MTCL1: variants seen among roughly 807,000 people sequenced by gnomAD.
The protein encoded by MTCL1 is microtubule cross-linking factor 1.
In MTCL1, 79 loss-of-function variants were observed where a neutral mutation model predicts 141.4. The ratio of observed to expected loss-of-function variants is 0.56; its 90% CI spans 0.47 to 0.67. The LOEUF (loss-of-function observed/expected upper bound fraction) is 0.67, where lower values mean the gene tolerates loss of function less well. Among genes scored for constraint, MTCL1 ranks in the 30% least tolerant of loss-of-function variants. The pLI, the probability that MTCL1 is intolerant of heterozygous loss-of-function variation, is 0.00. For synonymous variants in MTCL1, 914 were observed against 875.8 expected (o/e 1.04, Z -0.77); for missense variants, 2,177 against 2,113.9 (o/e 1.03, Z -0.59).
chr18:8,766,152 A>G lies in MTCL1; in HGVS notation c.358-11681A>G, dbSNP rs755594755. On this transcript the variant is annotated intron_variant, in intron 4 of 16. Coordinates refer to ENST00000359865, the Ensembl canonical transcript of MTCL1. ...ATTTAGAAGACAAAACATGAGATTG[A>G]TGTGTTTTAAAAGCACGCAGCGGAT... Among the ~76,000 whole-genome samples, 6 of 152,350 alleles carry G rather than the reference A, an allele frequency of 3.9e-5. No individual in the cohort carries two copies. The South Asian group carries it at 1.0e-3, about 26-fold the overall frequency.
exon 13 of MTCL1, chr18:8,819,202 G>C: frequency 6.2e-7 from 1 of 1,614,200 alleles, no homozygotes; most frequent in Non-Finnish European, 8.5e-7. Context: ...TGGATGACGA[G>C]CCAGAAGAGC....
chr18:8,772,652 CAT>C (rs1257827605), intron 4 of MTCL1, among the ~76,000 whole-genome samples: 1 of 150,720 alleles, frequency 6.6e-6, no homozygotes, highest in Non-Finnish European at 1.5e-5. Flanking sequence ...CATAAACATA[CAT>C]GTTATGTATA....
intron 4 of MTCL1, among the ~76,000 whole-genome samples, chr18:8,732,000 T>C (rs1398072862): frequency 2.0e-5 from 3 of 152,348 alleles, no homozygotes; most frequent in African/African-American, 7.2e-5. Flanking sequence ...TGAGCCACTG[T>C]GTCCCGCCTC....
At chr18:8,758,807 T>C (rs1042971223) in intron 4 of MTCL1, among the ~76,000 whole-genome samples, 6 of 152,176 alleles carry the variant, frequency 3.9e-5, no homozygotes, top group Admixed American at 1.3e-4. Context: ...ACAAAACTAT[T>C]GTTGCAAATT....
chr18:8,804,108 A>C (rs1012412824), intron 10 of MTCL1, among the ~76,000 whole-genome samples: 9 of 152,214 alleles, frequency 5.9e-5, no homozygotes, highest in African/African-American at 2.2e-4. Flanking sequence ...AGTGATTTTT[A>C]ATTTAAAATC....
At chr18:8,719,035 T>C (rs1191852571) in intron 3 of MTCL1, among the ~76,000 whole-genome samples, 1 of 152,220 alleles carries the variant, frequency 6.6e-6, no homozygotes, top group African/African-American at 2.4e-5. Context: ...CATTTTTTTA[T>C]TGTTATTTAG....
Position 8,804,636 on chromosome 18 carries a change from T to C in MTCL1, c.2437-2257T>C, listed in dbSNP as rs1420502604. 2.6e-5 allele frequency among the ~76,000 whole-genome samples: 4 copies of C among 152,252 alleles called. No homozygotes were observed. In the East Asian group the frequency reaches 7.7e-4, roughly 29 times the overall value. On this transcript the variant is annotated intron_variant, in intron 10 of 16. Transcript: ENST00000359865. ...GCCTTTTGTCCCAGAGTTATTAAAG[T>C]AAAAATTGTTCCCTGTGAGAAAAAG...
At chr18:8,776,480 G>C (rs544044516) in intron 4 of MTCL1, among the ~76,000 whole-genome samples, 3 of 152,142 alleles carry the variant, frequency 2.0e-5, no homozygotes, top group African/African-American at 7.2e-5. Context: ...AGATGTATTT[G>C]CAATTTCTTG....
intron 4 of MTCL1, among the ~76,000 whole-genome samples, chr18:8,733,693 A>G (rs1427410358): frequency 6.6e-6 from 1 of 152,196 alleles, no homozygotes; most frequent in Non-Finnish European, 1.5e-5. Context: ...GGCGTGAGCC[A>G]CTGTGCTTGG....
intron 4 of MTCL1, among the ~76,000 whole-genome samples, chr18:8,763,189 T>C (rs1389926486): frequency 2.6e-5 from 4 of 152,302 alleles, no homozygotes; most frequent in South Asian, 2.1e-4. Context: ...GCTTCAGTTA[T>C]GTGCAAGAAA....
chr18:8,710,073 C>G (rs1251107774), intron 1 of MTCL1, among the ~76,000 whole-genome samples: 1 of 152,222 alleles, frequency 6.6e-6, no homozygotes, highest in African/African-American at 2.4e-5. Flanking sequence ...CTCCTGACTT[C>G]AGGTGATCTG....
rs138724389 is a variant in MTCL1 at position 8,774,254 on chromosome 18, A to ATGTGTGTGTGTGTGTG, written c.358-3573_358-3558dup. On this transcript the variant is annotated intron_variant, in intron 4 of 16. Coordinates refer to ENST00000359865, the Ensembl canonical transcript of MTCL1. ...AAACACATACACACACTCTTTTCGA[A>ATGTGTGTGTGTGTGTG]TGTGTGTGTGTGTGTGTGTGTATTT... Among the ~76,000 whole-genome samples, 200 of 150,132 alleles carry ATGTGTGTGTGTGTGTG rather than the reference A, an allele frequency of 1.3e-3. 1 individual carries two copies. Among genetic ancestry groups the ATGTGTGTGTGTGTGTG allele is most frequent in the Middle Eastern group, 6.9e-3 (2 of 288 alleles).
At chr18:8,809,590 G>C in intron 11 of MTCL1, 1 of 1,535,760 alleles carries the variant, frequency 6.5e-7, no homozygotes, top group South Asian at 1.2e-5. Context: ...AAGTAAAGCA[G>C]CAGCAGTGGA....
chr18:8,812,985 G>A, exon 12 of MTCL1: 1 of 1,609,550 alleles, frequency 6.2e-7, no homozygotes, highest in Non-Finnish European at 8.5e-7. Context: ...ACAGCTGGAA[G>A]AGAAGACTGA....
At position 8,723,745 on chromosome 18, in the gene MTCL1, G is replaced by A. The variant is rs116015498; in HGVS notation, c.357+3249G>A. Among the ~76,000 whole-genome samples, 547 of 152,262 alleles carry A rather than the reference G, an allele frequency of 3.6e-3. 3 individuals carry two copies. The highest frequency in any genetic ancestry group is 0.013 in the African/African-American group (522 of 41,552). On this transcript the variant is annotated intron_variant, in intron 4 of 16. Transcript: ENST00000359865. The stretch of plus-strand genomic sequence containing the variant: ...CTGAGTCCTTTCAGTCCCCAAGGCC[G>A]ATGATGGTGTTACCCTTAACCCTCT...
At chr18:8,796,710 G>A (rs887310456) in intron 9 of MTCL1, among the ~76,000 whole-genome samples, 5 of 152,132 alleles carry the variant, frequency 3.3e-5, no homozygotes, top group South Asian at 2.1e-4. Flanking sequence ...CAGAAGTAAC[G>A]TTACAGTAGC....
chr18:8,787,400 G>C (rs1377312238), intron 7 of MTCL1: 5 of 152,458 alleles, frequency 3.3e-5, no homozygotes, highest in African/African-American at 1.2e-4. Flanking sequence ...CCCTCCTCCT[G>C]GTTGGTGGCA....
At position 8,722,984 on chromosome 18, in the gene MTCL1, T is replaced by C. The variant is rs537960466; in HGVS notation, c.357+2488T>C. ...CAAGGCCAGAGTGAGACAAGTATCT[T>C]CAGAGAACCTGATGCTGGCTCAGGG... is the stretch of plus-strand genomic sequence containing the variant. On this transcript the variant is annotated intron_variant, in intron 4 of 16. Transcript: ENST00000359865. Among the ~76,000 whole-genome samples, 3 of 152,330 alleles carry C rather than the reference T, an allele frequency of 2.0e-5. No homozygotes were observed. In the East Asian group the frequency reaches 5.8e-4, roughly 29 times the overall value.
intron 10 of MTCL1, among the ~76,000 whole-genome samples, chr18:8,801,171 G>A (rs946238660): frequency 5.3e-5 from 8 of 152,092 alleles, no homozygotes; most frequent in African/African-American, 1.2e-4. Context: ...CTGGGCTTCC[G>A]GGGCTGTGGC....
Sources: gnomAD v4.1 joint callset for allele counts (sites outside exome capture counted in the v4.1 genomes callset) on GRCh38, gnomAD v4.1.1 for gene constraint, MANE v1.5 for transcripts, NCBI Gene and HGNC (gene_info 2026-07-23, HGNC 2026-07-21) for gene names.